AK8: variants seen among roughly 807,000 people sequenced by gnomAD.
The protein encoded by AK8 is ATP-AMP transphosphorylase 8.
In AK8, 44 loss-of-function variants were observed where a neutral mutation model predicts 54.6. That is an observed-to-expected ratio of 0.81 (90% CI 0.63 to 1.04). The LOEUF is 1.04. Among genes scored for constraint, AK8 ranks in the 50% least tolerant of loss-of-function variants. The pLI is 0.00. For missense variants in AK8, 555 were observed against 613.6 expected (o/e 0.90, Z 1.01); for synonymous variants, 239 against 245.6 (o/e 0.97, Z 0.25).
intron 11 of AK8, among the ~76,000 whole-genome samples, chr9:132,729,476 C>T (rs1228600897): frequency 6.6e-6 from 1 of 152,206 alleles, no homozygotes; most frequent in African/African-American, 2.4e-5. Flanking sequence ...CCTAGGAGCT[C>T]CCACCCACAG....
intron 11 of AK8, among the ~76,000 whole-genome samples, chr9:132,765,302 A>AAAAAAAAAAT: frequency 6.8e-6 from 1 of 146,128 alleles, no homozygotes; most frequent in Non-Finnish European, 1.5e-5. Flanking sequence ...CAAAAAAAAA[A>AAAAAAAAAAT]AAAAAAAAAA....
intron 11 of AK8, among the ~76,000 whole-genome samples, chr9:132,783,096 A>G (rs1001479567): frequency 1.8e-4 from 27 of 152,222 alleles, no homozygotes; most frequent in Non-Finnish European, 4.4e-5. Context: ...GACTGTGTTG[A>G]TATGGTAAGA....
intron 10 of AK8, among the ~76,000 whole-genome samples, chr9:132,805,847 TCCCAGC>T (rs1409636510): frequency 6.6e-6 from 1 of 151,970 alleles, no homozygotes; most frequent in Non-Finnish European, 1.5e-5. Context: ...TTTGTAGCAG[TCCCAGC>T]GGAAAAGTCA....
rs73660278 is a variant in AK8 at position 132,829,389 on chromosome 9, A to G, written c.403-663T>C. Among the ~76,000 whole-genome samples the G allele has an allele frequency of 9.0e-3, 1,365 of 152,212 alleles. 17 individuals are homozygous for G. The highest frequency in any genetic ancestry group is 0.031 in the African/African-American group (1,271 of 41,514). ...AGAGAATGTACACAGCCACTTAACT[A>G]TGTCCACAAATGAACATTTCAACTG... On this transcript the variant is annotated intron_variant, in intron 5 of 12. Transcript: ENST00000298545.
At chr9:132,841,072 G>A (rs1385141693) in intron 5 of AK8, among the ~76,000 whole-genome samples, 1 of 152,190 alleles carries the variant, frequency 6.6e-6, no homozygotes, top group Non-Finnish European at 1.5e-5. Context: ...TGCTTGGATC[G>A]TCACATTTTA....
intron 11 of AK8, among the ~76,000 whole-genome samples, chr9:132,785,299 C>G (rs215159): frequency 6.6e-6 from 1 of 151,722 alleles, no homozygotes; most frequent in East Asian, 1.9e-4. Flanking sequence ...AGACAGGGTT[C>G]CACCATATTG....
chr9:132,878,560 C>A (rs1056228556), upstream of AK8: 2 of 1,150,234 alleles, frequency 1.7e-6, no homozygotes, highest in Non-Finnish European at 2.1e-6. The surrounding 1 kb of genome is among the most constrained non-coding windows in gnomAD (Gnocchi z 4.7). Flanking sequence ...CCAGAAGGGG[C>A]AAGTCGGCCC....
chr9:132,846,504 G>GATGAATGAATGA (rs56358230), intron 5 of AK8, among the ~76,000 whole-genome samples: 31 of 150,870 alleles, frequency 2.1e-4, no homozygotes, highest in African/African-American at 7.6e-4. Flanking sequence ...TGAGAGAATA[G>GATGAATGAATGA]ATGAATGAAT....
intron 11 of AK8, among the ~76,000 whole-genome samples, chr9:132,753,228 C>A (rs1211735498): frequency 1.3e-5 from 2 of 152,202 alleles, no homozygotes; most frequent in Non-Finnish European, 1.5e-5. Context: ...TCCCTGTCAC[C>A]CCCCTAGTAA....
At chr9:132,821,528 G>A (rs73549163) in intron 9 of AK8, among the ~76,000 whole-genome samples, 105 of 152,072 alleles carry the variant, frequency 6.9e-4, no homozygotes, top group African/African-American at 2.2e-3. Context: ...AATTTGCAGA[G>A]TAATTGTTCA....
intron 11 of AK8, among the ~76,000 whole-genome samples, chr9:132,729,128 G>GC (rs1836708780): frequency 6.6e-6 from 1 of 152,082 alleles, no homozygotes; most frequent in Non-Finnish European, 1.5e-5. Context: ...CAAGAAATCT[G>GC]CCCCCTTCAG....
intron 5 of AK8, among the ~76,000 whole-genome samples, chr9:132,854,295 G>C (rs943367809): frequency 3.3e-5 from 5 of 152,234 alleles, no homozygotes; most frequent in African/African-American, 1.2e-4. Flanking sequence ...GAGGACACAT[G>C]AATCGGTGTG....
intron 11 of AK8, among the ~76,000 whole-genome samples, chr9:132,745,714 G>A (rs538043919): frequency 5.4e-4 from 82 of 152,108 alleles, no homozygotes; most frequent in Non-Finnish European, 8.4e-4. Context: ...GTGTGCCCTC[G>A]AAGCCCAATG....
At chr9:132,833,616 C>T (rs1842196727) in intron 5 of AK8, among the ~76,000 whole-genome samples, 2 of 152,134 alleles carry the variant, frequency 1.3e-5, no homozygotes, top group Non-Finnish European at 2.9e-5. Context: ...TCAAAAAGGC[C>T]GTATGCTCAG....
rs193241651 is a variant in AK8, at chr9:132,837,038, G to T, written c.403-8312C>A. Among the ~76,000 whole-genome samples the T allele has an allele frequency of 6.6e-6, 1 of 152,072 alleles. No individual in the cohort carries two copies. Among genetic ancestry groups the T allele is most frequent in the African/African-American group, 2.4e-5 (1 of 41,414 alleles). ...AAACTCAGCCTAAGAATGGGAGAAC[G>T]GGCCAGGCGTGGTGGTTCACGCCTA... is the stretch of plus-strand genomic sequence containing the variant. On this transcript the variant is annotated intron_variant, in intron 5 of 12. Coordinates refer to ENST00000298545, the MANE Select transcript of AK8 (RefSeq NM_152572.3). This position sits in a 1 kb window ranked among gnomAD's most constrained non-coding sequence, Gnocchi z 4.3.
At chr9:132,760,187 A>C (rs999479717) in intron 11 of AK8, among the ~76,000 whole-genome samples, 2 of 144,930 alleles carry the variant, frequency 1.4e-5, no homozygotes, top group Admixed American at 1.4e-4. Flanking sequence ...TACGTTGTTA[A>C]TTTTTTTTTT....
chr9:132,761,530 G>A (rs1490955443), intron 11 of AK8, among the ~76,000 whole-genome samples: 4 of 151,956 alleles, frequency 2.6e-5, no homozygotes, highest in Non-Finnish European at 5.9e-5. Context: ...CCAAAGTGCT[G>A]GGATTACAAG....
chr9:132,800,595 C>T (rs183559702), intron 10 of AK8, among the ~76,000 whole-genome samples: 9 of 152,270 alleles, frequency 5.9e-5, no homozygotes, highest in African/African-American at 9.6e-5. Flanking sequence ...TTTTCTTAGA[C>T]GCCAACCTTT....
At chr9:132,794,480 C>T (rs1438356064) in intron 10 of AK8, among the ~76,000 whole-genome samples, 2 of 152,184 alleles carry the variant, frequency 1.3e-5, no homozygotes, top group African/African-American at 2.4e-5. Context: ...GTTCCCTCCC[C>T]AGGGAAGTCT....
Sources: gnomAD v4.1 joint callset for allele counts (sites outside exome capture counted in the v4.1 genomes callset) on GRCh38, gnomAD v4.1.1 for gene constraint, Gnocchi (gnomAD v3.1) non-coding constraint, MANE v1.5 for transcripts, NCBI Gene and HGNC (gene_info 2026-07-23, HGNC 2026-07-21) for gene names.